Variants in TMEM213 observed in about 807,000 individuals in gnomAD.
TMEM213 encodes the protein transmembrane protein 213.
Under a neutral mutation model 11.6 loss-of-function variants are expected in TMEM213, and 7 were observed. That is an observed-to-expected ratio of 0.60 (90% CI 0.34 to 1.13). The LOEUF is 1.13. Among genes scored for constraint, TMEM213 ranks in the 50% most tolerant of loss-of-function variants. The pLI, the probability that TMEM213 is intolerant of heterozygous loss-of-function variation, is 0.03. For missense variants in TMEM213, 129 were observed against 139.0 expected (o/e 0.93, Z 0.36); for synonymous variants, 60 against 58.3 (o/e 1.03, Z -0.13).
At position 138,798,027 on chromosome 7, in the gene TMEM213, G is replaced by A. The variant is rs542333805; in HGVS notation, c.-78G>A. On this transcript the variant is annotated 5_prime_UTR_variant, in exon 1 of 3. Coordinates refer to ENST00000442682, the MANE Select transcript of TMEM213 (RefSeq NM_001085429.2). ...TTTCCAGCTCCTGCAGGTGGGAGTCGACTCACCTGCAGCAGGCACTCGGCA... is the reference window on the plus strand; with the variant it reads ...TTTCCAGCTCCTGCAGGTGGGAGTCAACTCACCTGCAGCAGGCACTCGGCA... The A allele has an allele frequency of 8.8e-5, 136 of 1,552,072 alleles. No individual in the cohort carries two copies. In the African/African-American group the frequency reaches 1.4e-3, roughly 16 times the overall value.
At position 138,805,671 on chromosome 7, in the gene TMEM213, A is replaced by G. The variant is rs961632150; in HGVS notation, c.*2602A>G. 5 of 152,346 alleles carry G rather than the reference A, an allele frequency of 3.3e-5. No homozygotes were observed. Among genetic ancestry groups the G allele is most frequent in the Admixed American group, 1.3e-4 (2 of 15,304 alleles). 9.4% of individuals were successfully genotyped at this position (152,346 alleles called of 1,614,324 possible). On this transcript the variant is annotated 3_prime_UTR_variant, in exon 3 of 3. Transcript: ENST00000442682. ...TTATTTCTGGCCAATGTGAACAGAAATAAGTCACTTTATCTCACTGAGCAC... is the reference window on the plus strand; with the variant it reads ...TTATTTCTGGCCAATGTGAACAGAAGTAAGTCACTTTATCTCACTGAGCAC...
Position 138,802,952 on chromosome 7 carries a change from G to A in TMEM213, c.207G>A (p.Glu69=), listed in dbSNP as rs372094343. 73 of 1,611,940 alleles carry A rather than the reference G, an allele frequency of 4.5e-5. No homozygotes were observed. Among genetic ancestry groups the A allele is most frequent in the Non-Finnish European group, 4.5e-5 (53 of 1,179,354 alleles). ...AARCCRTGVD[E]YGWIAAAVGW... is the part of the protein sequence containing the mutation. ...GGTGCTGCCGCACAGGAGTGGACGA[G>A]TACGGCTGGATCGCGGCAGCTGTTG... is the stretch of plus-strand genomic sequence containing the variant. Residue 69 remains glutamate, a synonymous_variant, in exon 3 of 3, where the codon GAG becomes GAA. Transcript: ENST00000442682.
chr7:138,801,139 G>T (rs1183575438), intron 1 of TMEM213, among the ~76,000 whole-genome samples, 188 bp from the exon 2 acceptor site: 1 of 152,172 alleles, frequency 6.6e-6, no homozygotes, highest in Non-Finnish European at 1.5e-5. Context: ...TGAAACTTGG[G>T]AGAGGGGAAC....
intron 1 of TMEM213, 132 bp from the exon 2 acceptor site, chr7:138,801,195 C>A: frequency 1.2e-6 from 1 of 804,858 alleles, no homozygotes; most frequent in Non-Finnish European, 2.0e-6. Flanking sequence ...CAGAAAGCCT[C>A]AATATGCCCA....
chr7:138,801,571 C>T, intron 2 of TMEM213, 173 bp downstream of exon 2: 1 of 628,926 alleles, frequency 1.6e-6, no homozygotes, highest in Non-Finnish European at 2.8e-6. Context: ...GTCTGAAAGG[C>T]TTTCTTGGCT....
chr7:138,798,515 A>G (rs1342474732), intron 1 of TMEM213, among the ~76,000 whole-genome samples: 3 of 152,066 alleles, frequency 2.0e-5, no homozygotes, highest in Non-Finnish European at 2.9e-5. Flanking sequence ...GACCAAAATG[A>G]TATCTCTTGG....
At position 138,803,084 on chromosome 7, in the gene TMEM213, G is replaced by A. The variant is rs2130268797; in HGVS notation, c.*15G>A. ...TGCAAGCGTGAGACCCAGGCTCGGT[G>A]CACAAAATGGTGATCGCCACCAATT... On this transcript the variant is annotated 3_prime_UTR_variant, in exon 3 of 3. Transcript: ENST00000442682. 6.2e-7 allele frequency: 1 copy of A among 1,609,740 alleles called. No individual in the cohort carries two copies.
At position 138,798,166 on chromosome 7, in the gene TMEM213, T is replaced by A; in HGVS notation, c.62T>A (p.Leu21His). 1 of 1,597,644 alleles carries A rather than the reference T, an allele frequency of 6.3e-7. No individual in the cohort carries two copies. Among genetic ancestry groups the A allele is most frequent in the East Asian group, 2.3e-5 (1 of 44,160 alleles). Residue 21 changes from leucine to histidine, a missense_variant, in exon 1 of 3, where the codon CTC (leucine) becomes CAC (histidine). Leu to His is a moderately conservative substitution (Grantham distance 99). Transcript: ENST00000442682. ...TLILSLAFAS[L>H]HSACSAEASS... The stretch of plus-strand genomic sequence containing the variant: ...ATCCTCAGCCTGGCCTTTGCCTCCC[T>A]CCACTCGGCTTGCTCGGCAGGTAGC...
In TMEM213 at chr7:138,806,348, A is replaced by G. The variant is rs1809100717; in HGVS notation, c.*3279A>G. ...AACATGGCGAAACCCCACCTCTACA[A>G]AAAAATACAAAAAAATTATTTGGGA... is the stretch of plus-strand genomic sequence containing the variant. On this transcript the variant is annotated 3_prime_UTR_variant, in exon 3 of 3. Transcript: ENST00000442682. The G allele has an allele frequency of 6.6e-6, 1 of 152,170 alleles. No individual in the cohort carries two copies. The highest frequency in any genetic ancestry group is 1.9e-4 in the East Asian group (1 of 5,178). The allele number at this position is 152,170 out of a possible 1,614,324, so 9.4% of individuals were successfully genotyped here. A position where few individuals can be genotyped will look rare whatever the true frequency, so the allele number is the denominator to read the frequency against.
At chr7:138,801,629 A>C (rs1808950678) in intron 2 of TMEM213, 2 of 544,666 alleles carry the variant, frequency 3.7e-6, no homozygotes, top group South Asian at 5.1e-5. Flanking sequence ...TGCTTTAATG[A>C]CCCATCCCAG....
chr7:138,803,120 G>A lies in TMEM213; in HGVS notation c.*51G>A. The A allele has an allele frequency of 6.3e-7, 1 of 1,580,152 alleles. No homozygotes were observed. Among genetic ancestry groups the A allele is most frequent in the Non-Finnish European group, 8.6e-7 (1 of 1,162,530 alleles). On this transcript the variant is annotated 3_prime_UTR_variant, in exon 3 of 3. Transcript: ENST00000442682. ...TGATCGCCACCAATTTGTGGCTAAT[G>A]GGGAAGGGGAGTAAGGCTAACATGG...
At position 138,805,356 on chromosome 7, in the gene TMEM213, C is replaced by T. The variant is rs1379065394; in HGVS notation, c.*2287C>T. The T allele has an allele frequency of 1.3e-5, 2 of 149,370 alleles. No homozygotes were observed. Among genetic ancestry groups the T allele is most frequent in the Non-Finnish European group, 3.0e-5 (2 of 67,742 alleles). 9.3% of individuals were successfully genotyped at this position (149,370 alleles called of 1,614,324 possible). On this transcript the variant is annotated 3_prime_UTR_variant, in exon 3 of 3. Coordinates refer to ENST00000442682, the MANE Select transcript of TMEM213 (RefSeq NM_001085429.2). The stretch of plus-strand genomic sequence containing the variant: ...GCTGCAGTGAGCCATGTTTGTGCCA[C>T]TGCACTCCAGCCTGGGCAACAAAGT...
intron 1 of TMEM213, chr7:138,799,255 CATTT>C (rs1485703896): frequency 6.6e-6 from 1 of 152,214 alleles, no homozygotes; most frequent in African/African-American, 2.4e-5. Context: ...TAAGCACATT[CATTT>C]TATTTTCCAA....
chr7:138,799,763 T>C (rs1408436661), intron 1 of TMEM213, among the ~76,000 whole-genome samples: 2 of 152,208 alleles, frequency 1.3e-5, no homozygotes, highest in African/African-American at 2.4e-5. Context: ...CTCTAAGCCA[T>C]TTAGCTGTAA....
At chr7:138,801,470 C>A in intron 2 of TMEM213, 72 bp downstream of exon 2, 3 of 1,412,308 alleles carry the variant, frequency 2.1e-6, no homozygotes, top group African/African-American at 1.4e-5. Context: ...AAGGCCTCCC[C>A]GCTTTCCGTT....
chr7:138,798,217 C>G (rs745477113), intron 1 of TMEM213, 31 bp downstream of exon 1: 1 of 1,555,132 alleles, frequency 6.4e-7, no homozygotes, highest in Non-Finnish European at 8.7e-7. Context: ...CATGGCCAGG[C>G]TGGGAAGGGG....
intron 2 of TMEM213, 23 bp downstream of exon 2, chr7:138,801,421 T>C (rs1193293856): frequency 6.3e-7 from 1 of 1,592,538 alleles, no homozygotes; most frequent in Admixed American, 1.8e-5. Flanking sequence ...TGCCAACTGC[T>C]CTAACCCCAG....
intron 1 of TMEM213, among the ~76,000 whole-genome samples, chr7:138,800,707 T>TTCTTCTTCTTC (rs1563030199): frequency 4.9e-5 from 6 of 123,264 alleles, no homozygotes; most frequent in African/African-American, 2.0e-4. Flanking sequence ...TCTTCTTCTT[T>TTCTTCTTCTTC]TTTTTTTTTT....
chr7:138,799,028 C>T (rs555975667), intron 1 of TMEM213, among the ~76,000 whole-genome samples: 16 of 152,302 alleles, frequency 1.1e-4, no homozygotes, highest in African/African-American at 3.8e-4. Flanking sequence ...AGGTTCAAGA[C>T]GTGCACTCTT....
Sources: allele counts gnomAD v4.1 joint callset (sites outside exome capture counted in the v4.1 genomes callset), GRCh38; gene constraint gnomAD v4.1.1; transcripts MANE v1.5; gene names NCBI Gene and HGNC (gene_info 2026-07-23, HGNC 2026-07-21).